The following TCF3 variants were observed in gnomAD, a reference collection of about 807,000 sequenced individuals.
The protein encoded by TCF3 is transcription factor E2-alpha.
Under a neutral mutation model 72.3 loss-of-function variants are expected in TCF3, and 54 were observed. The observed-to-expected ratio is 0.75, with a 90% confidence interval of 0.60 to 0.94. TCF3 has a LOEUF of 0.94. Ranked by LOEUF, TCF3 falls within the 40% of genes least tolerant of loss-of-function variation. The pLI, the probability that TCF3 is intolerant of heterozygous loss-of-function variation, is 0.00. For missense variants in TCF3, 1,078 were observed against 934.4 expected (o/e 1.15, Z -2.00); for synonymous variants, 525 against 412.6 (o/e 1.27, Z -3.30).
intron 2 of TCF3, among the ~76,000 whole-genome samples, chr19:1,646,896 G>A (rs539566967): frequency 2.6e-5 from 4 of 152,356 alleles, no homozygotes; most frequent in Admixed American, 1.3e-4. Context: ...CTGACTCCTC[G>A]TTTCCTGTGT....
chr19:1,650,882 C>G (rs1015016926), intron 1 of TCF3: 5 of 231,636 alleles, frequency 2.2e-5, no homozygotes, highest in Non-Finnish European at 3.4e-5. Flanking sequence ...GGGGGGGACG[C>G]GCATCCTATG....
chr19:1,624,528 A>G lies in TCF3; in HGVS notation c.500-528T>C, dbSNP rs10423591. ...GGAAAACGAGGAGTTGGTGGATTCT[A>G]AGCCAAGGCTCTGCTGAGAAGCCCC... is the stretch of plus-strand genomic sequence containing the variant. On this transcript the variant is annotated intron_variant, in intron 7 of 18. Coordinates refer to ENST00000262965, the MANE Select transcript of TCF3 (RefSeq NM_003200.5). Among the ~76,000 whole-genome samples the G allele has an allele frequency of 8.3e-3, 1,261 of 152,330 alleles. 21 individuals carry two copies. Among genetic ancestry groups the G allele is most frequent in the African/African-American group, 0.029 (1,192 of 41,562 alleles).
chr19:1,613,665 G>A (rs1599442391), intron 18 of TCF3, among the ~76,000 whole-genome samples: 1 of 152,268 alleles, frequency 6.6e-6, no homozygotes, highest in South Asian at 2.1e-4. Context: ...GGGGAGTCCA[G>A]GACTCAAATC....
chr19:1,642,416 G>A (rs982070318), intron 3 of TCF3, among the ~76,000 whole-genome samples: 4 of 152,226 alleles, frequency 2.6e-5, no homozygotes, highest in Admixed American at 2.6e-4. Flanking sequence ...CACCACGGGT[G>A]GGCGGGACGG....
chr19:1,611,007 G>A lies in TCF3; in HGVS notation c.*700C>T, dbSNP rs774683531. ...TTAATCATCTGGTTGATCAAGAAAT[G>A]CAATGCTCAGTCTAGGAACAGCAGC... On this transcript the variant is annotated 3_prime_UTR_variant, in exon 19 of 19. Coordinates refer to ENST00000262965, the MANE Select transcript of TCF3 (RefSeq NM_003200.5). 7.7e-5 allele frequency: 17 copies of A among 221,796 alleles called. No individual in the cohort carries two copies. Among genetic ancestry groups the A allele is most frequent in the Non-Finnish European group, 1.3e-4 (15 of 112,470 alleles). The allele number at this position is 221,796 out of a possible 1,614,324, so 13.7% of individuals were successfully genotyped here.
chr19:1,652,074 G>A (rs1192802112), intron 1 of TCF3, among the ~76,000 whole-genome samples: 1 of 150,228 alleles, frequency 6.7e-6, no homozygotes, highest in African/African-American at 2.4e-5. Context: ...CCCGACGGGG[G>A]CGACGCGGGC....
intron 3 of TCF3, among the ~76,000 whole-genome samples, chr19:1,634,407 G>T (rs762883412): frequency 3.9e-5 from 6 of 152,260 alleles, no homozygotes; most frequent in Non-Finnish European, 7.3e-5. Flanking sequence ...GGGCCAGCCT[G>T]GCTGCCTCGG....
intron 3 of TCF3, among the ~76,000 whole-genome samples, chr19:1,639,259 G>C (rs1599949177): frequency 1.3e-5 from 2 of 152,186 alleles, no homozygotes; most frequent in Admixed American, 1.3e-4. Context: ...GGCCAGGCTG[G>C]TCTTGAACTC....
Position 1,629,001 on chromosome 19 carries a change from CTCACGGGG to C in TCF3, c.299-1583_299-1576del. On this transcript the variant is annotated intron_variant, in intron 5 of 18. Coordinates refer to ENST00000262965, the MANE Select transcript of TCF3 (RefSeq NM_003200.5). Reference sequence around the variant, plus strand: ...GTGAGGCGGGAAGGGGACAGCAGAGCTCACGGGGGTGAGGCGGGAAGGGGACAGCAGAG... The same window carrying C: ...GTGAGGCGGGAAGGGGACAGCAGAGCGTGAGGCGGGAAGGGGACAGCAGAG... 2.1e-5 allele frequency among the ~76,000 whole-genome samples: 2 copies of C among 93,864 alleles called. 1 individual carries two copies. Among genetic ancestry groups the C allele is most frequent in the South Asian group, 7.4e-4 (2 of 2,690 alleles). The allele number at this position is 93,864 out of a possible 152,430, so 61.6% of individuals were successfully genotyped here.
In TCF3 at chr19:1,611,548, GC is replaced by G. The variant is rs1381685499; in HGVS notation, c.*158del. The G allele has an allele frequency of 4.8e-6, 5 of 1,047,628 alleles. No homozygotes were observed. The African/African-American group carries it at 8.1e-5, about 17-fold the overall frequency. 64.9% of individuals were successfully genotyped at this position (1,047,628 alleles called of 1,614,324 possible). On this transcript the variant is annotated 3_prime_UTR_variant, in exon 19 of 19. Transcript: ENST00000262965. The stretch of plus-strand genomic sequence containing the variant: ...TCCTGGACCCAGTGTCACCTTGGCC[GC>G]CCCCATCACTCCGAACCTTGTCAGG...
At chr19:1,623,337 A>G (rs2146188584) in intron 8 of TCF3, among the ~76,000 whole-genome samples, 1 of 151,164 alleles carries the variant, frequency 6.6e-6, no homozygotes, top group Non-Finnish European at 1.5e-5. Context: ...GGGCAGCCTG[A>G]AGCTGTGAGG....
chr19:1,643,845 AG>A (rs1600085485), intron 3 of TCF3, among the ~76,000 whole-genome samples: 1 of 152,266 alleles, frequency 6.6e-6, no homozygotes, highest in African/African-American at 2.4e-5. Flanking sequence ...AATGAACTTA[AG>A]AAAAGCGAGG....
At chr19:1,642,236 GCGCAGACGCACACACACGTGCGCACA>G (rs2065402656) in intron 3 of TCF3, among the ~76,000 whole-genome samples, 2 of 146,132 alleles carry the variant, frequency 1.4e-5, no homozygotes, top group Admixed American at 1.4e-4. Flanking sequence ...AGACACGCAC[GCGCAGACGCACACACACGTGCGCACA>G]CACGCACGCA....
intron 8 of TCF3, among the ~76,000 whole-genome samples, chr19:1,622,800 C>T (rs997940071): frequency 1.3e-5 from 2 of 152,206 alleles, no homozygotes; most frequent in Admixed American, 1.3e-4. Flanking sequence ...TGGAATCAAT[C>T]TTCCAGTGCT....
At chr19:1,630,130 G>A (rs935348732) in intron 5 of TCF3, among the ~76,000 whole-genome samples, 3 of 152,220 alleles carry the variant, frequency 2.0e-5, no homozygotes, top group Non-Finnish European at 4.4e-5. Flanking sequence ...TGCTGGCCGG[G>A]CCGTGGGAAC....
At chr19:1,652,029 G>A (rs1309118709) in intron 1 of TCF3, among the ~76,000 whole-genome samples, 1 of 149,380 alleles carries the variant, frequency 6.7e-6, no homozygotes, top group Non-Finnish European at 1.5e-5. Context: ...CCGCGCCCCC[G>A]CCCGGGGCTG....
chr19:1,611,929 TC>T (rs1425610841), intron 18 of TCF3, 80 bp from the exon 19 acceptor site: 4 of 89,206 alleles, frequency 4.5e-5, no homozygotes, highest in Admixed American at 2.4e-4. Flanking sequence ...GGGTAGGATG[TC>T]GGGGGGGGGG....
chr19:1,620,487 C>T (rs1024436383), intron 13 of TCF3, among the ~76,000 whole-genome samples: 8 of 152,246 alleles, frequency 5.3e-5, no homozygotes, highest in African/African-American at 1.9e-4. Context: ...AATGGCAACA[C>T]GCACACATTC....
At chr19:1,621,808 G>T in intron 11 of TCF3, 30 bp downstream of exon 11, 1 of 1,558,478 alleles carries the variant, frequency 6.4e-7, no homozygotes, top group Non-Finnish European at 8.7e-7. Context: ...TGTCCCCTCG[G>T]AGAGGCCGCA....
Sources: gnomAD v4.1 joint callset for allele counts (sites outside exome capture counted in the v4.1 genomes callset) on GRCh38, gnomAD v4.1.1 for gene constraint, MANE v1.5 for transcripts, NCBI Gene and HGNC (gene_info 2026-07-23, HGNC 2026-07-21) for gene names.